The following SLC5A4 variants were observed in gnomAD, a reference collection of about 807,000 sequenced individuals.
SLC5A4 encodes the protein probable glucose sensor protein SLC5A4.
A neutral mutation model predicts 70.3 loss-of-function variants in SLC5A4; 55 were observed. That is an observed-to-expected ratio of 0.78 (90% CI 0.63 to 0.98). The LOEUF (loss-of-function observed/expected upper bound fraction) is 0.98, where lower values mean the gene tolerates loss of function less well. SLC5A4 is among the 50% of genes least tolerant of loss of function. The pLI is 0.00. For missense variants in SLC5A4, 735 were observed against 839.2 expected, an observed-to-expected ratio of 0.88 and a Z score of 1.53; for synonymous variants, 268 against 305.7, an observed-to-expected ratio of 0.88 and a Z score of 1.29.
At chr22:32,331,910 A>G in the SLC5A4 span, among the ~76,000 whole-genome samples, 1 of 151,870 alleles carries the variant, frequency 6.6e-6, no homozygotes, top group Non-Finnish European at 1.5e-5. Context: ...CTCAAACTCA[A>G]GACACTCCAT....
At chr22:32,311,608 T>C in the SLC5A4 span, among the ~76,000 whole-genome samples, 248 of 152,308 alleles carry the variant, frequency 1.6e-3, 1 homozygote, top group African/African-American at 5.7e-3. Context: ...TCTCTGGGTT[T>C]CCATAGCCTC....
At chr22:32,308,360 CGCCAGTGGAGGG>C in the SLC5A4 span, among the ~76,000 whole-genome samples, 10 of 152,348 alleles carry the variant, frequency 6.6e-5, no homozygotes, top group South Asian at 2.1e-3. Flanking sequence ...AAGGCAGCCA[CGCCAGTGGAGGG>C]GCCTGGGTGT....
At chr22:32,305,926 C>T in the SLC5A4 span, among the ~76,000 whole-genome samples, 6 of 151,928 alleles carry the variant, frequency 3.9e-5, no homozygotes, top group African/African-American at 1.2e-4. Context: ...TGCCCCTGCC[C>T]CTTTAGAGGT....
the SLC5A4 span, among the ~76,000 whole-genome samples, chr22:32,334,082 ACAAC>A: frequency 2.3e-4 from 35 of 149,390 alleles, no homozygotes; most frequent in African/African-American, 7.8e-4. Context: ...ACTATGCCAG[ACAAC>A]ACACACACAC....
chr22:32,303,473 A>C, the SLC5A4 span, among the ~76,000 whole-genome samples: 1 of 152,204 alleles, frequency 6.6e-6, no homozygotes, highest in Non-Finnish European at 1.5e-5. Context: ...AGAGGAAGGA[A>C]ATCAGACATG....
At chr22:32,256,546 G>C (rs1927498962), upstream of SLC5A4, among the ~76,000 whole-genome samples, 2 of 152,076 alleles carry the variant, frequency 1.3e-5, no homozygotes, top group South Asian at 2.1e-4. Context: ...TCTCCAAACA[G>C]AAGTATGTAC....
In SLC5A4 at chr22:32,229,178, A is replaced by T. The variant is rs780726775; in HGVS notation, c.1280+16T>A. On this transcript the variant is annotated intron_variant, in intron 11 of 14. Coordinates refer to ENST00000266086, the MANE Select transcript of SLC5A4 (RefSeq NM_014227.3). ...CTTCTCCAGAGGATTCTAGGTGGGA[A>T]CCAGGGTTCACTCACCGTCCAGCTA... 3 of 1,610,828 alleles carry T rather than the reference A, an allele frequency of 1.9e-6. No homozygotes were observed. The Admixed American group carries it at 5.0e-5, about 27-fold the overall frequency.
chr22:32,239,563 T>TATATATATATATTTATATATAA (rs1926346012), intron 5 of SLC5A4, among the ~76,000 whole-genome samples: 1 of 21,438 alleles, frequency 4.7e-5, no homozygotes, highest in African/African-American at 2.5e-4. Context: ...TATATATATA[T>TATATATATATATTTATATATAA]ATATATTTAT....
At chr22:32,338,985 A>C in the SLC5A4 span, among the ~76,000 whole-genome samples, 1 of 152,210 alleles carries the variant, frequency 6.6e-6, no homozygotes, top group African/African-American at 2.4e-5. Flanking sequence ...GATTACATGC[A>C]GTATAAATGC....
chr22:32,263,327 G>T, the SLC5A4 span, among the ~76,000 whole-genome samples: 4 of 152,168 alleles, frequency 2.6e-5, no homozygotes, highest in African/African-American at 9.7e-5. Flanking sequence ...AAATTAAAAA[G>T]ATTTTAAGAG....
Position 32,254,349 on chromosome 22 carries a change from A to G in SLC5A4, c.136-136T>C, listed in dbSNP as rs547090007. On this transcript the variant is annotated intron_variant, in intron 1 of 14. Coordinates refer to ENST00000266086, the MANE Select transcript of SLC5A4 (RefSeq NM_014227.3). ...GAAACATTTCGCTGGAAAGTGTTCT[A>G]TAGCATCAAATTTTAAAGGACTTCA... The G allele has an allele frequency of 1.6e-4, 101 of 649,692 alleles. 2 individuals are homozygous for G. The South Asian group carries it at 1.6e-3, about 10-fold the overall frequency. 40.2% of individuals were successfully genotyped at this position (649,692 alleles called of 1,614,324 possible). A position where few individuals can be genotyped will look rare whatever the true frequency, so the allele number is the denominator to read the frequency against.
the SLC5A4 span, among the ~76,000 whole-genome samples, chr22:32,309,212 AAC>A: frequency 1.3e-5 from 2 of 152,176 alleles, no homozygotes; most frequent in Non-Finnish European, 2.9e-5. Flanking sequence ...GAGATTCCAA[AAC>A]ACACAATAAT....
the SLC5A4 span, among the ~76,000 whole-genome samples, chr22:32,302,247 A>G: frequency 5.1e-4 from 62 of 121,548 alleles, no homozygotes; most frequent in African/African-American, 1.8e-3. Flanking sequence ...TTTACTTTTG[A>G]GTGTTTTTTT....
chr22:32,239,983 C>T (rs964493582), intron 5 of SLC5A4, among the ~76,000 whole-genome samples: 14 of 140,080 alleles, frequency 1.0e-4, no homozygotes, highest in African/African-American at 3.8e-4. Context: ...GAGATGGCGC[C>T]ACTGCATTCC....
At chr22:32,313,878 G>T in the SLC5A4 span, among the ~76,000 whole-genome samples, 3 of 152,180 alleles carry the variant, frequency 2.0e-5, no homozygotes, top group African/African-American at 4.8e-5. Context: ...TAACACAGGT[G>T]GAGTAGAAGG....
chr22:32,340,174 C>T, the SLC5A4 span, among the ~76,000 whole-genome samples: 3,536 of 152,208 alleles, frequency 0.023, 144 homozygotes, highest in African/African-American at 0.081. Context: ...AAATGAGGCT[C>T]GGGATGGCCA....
the SLC5A4 span, among the ~76,000 whole-genome samples, chr22:32,305,043 G>A: frequency 6.6e-6 from 1 of 151,988 alleles, no homozygotes; most frequent in African/African-American, 2.4e-5. Context: ...ATTTTATGTA[G>A]GTCTATTTCT....
chr22:32,305,904 CCTCT>C, the SLC5A4 span, among the ~76,000 whole-genome samples: 1 of 151,518 alleles, frequency 6.6e-6, no homozygotes, highest in Non-Finnish European at 1.5e-5. Flanking sequence ...CACTGTCACT[CCTCT>C]CTGACCTTGC....
the SLC5A4 span, chr22:32,355,000 T>C: frequency 6.6e-6 from 1 of 152,168 alleles, no homozygotes; most frequent in Non-Finnish European, 1.5e-5. Context: ...GTGACTCGTT[T>C]TCTTTTTCCT....
Sources: gnomAD v4.1 joint callset for allele counts (sites outside exome capture counted in the v4.1 genomes callset) on GRCh38, gnomAD v4.1.1 for gene constraint, MANE v1.5 for transcripts, NCBI Gene and HGNC (gene_info 2026-07-23, HGNC 2026-07-21) for gene names.